Variants in ETF1 observed in about 807,000 individuals in gnomAD.
ETF1 encodes eukaryotic peptide chain release factor subunit 1.
ETF1 carries 4 observed loss-of-function variants against 55.1 expected under a neutral mutation model. The observed-to-expected ratio is 0.07, with a 90% CI of 0.04 to 0.17. The LOEUF is 0.17. Among genes scored for constraint, ETF1 ranks in the 10% least tolerant of loss-of-function variants. The pLI, the probability that ETF1 is intolerant of heterozygous loss-of-function variation, is 1.00. For missense variants in ETF1, 142 were observed against 523.6 expected, an observed-to-expected ratio of 0.27 and a Z score of 7.11; for synonymous variants, 157 against 182.3, an observed-to-expected ratio of 0.86 and a Z score of 1.12.
At chr5:138,521,338 G>C (rs1765223408) in intron 2 of ETF1, among the ~76,000 whole-genome samples, 1 of 152,160 alleles carries the variant, frequency 6.6e-6, no homozygotes, top group African/African-American at 2.4e-5. Flanking sequence ...GTGGAACTAG[G>C]CAGTTGTTTA....
intron 2 of ETF1, among the ~76,000 whole-genome samples, chr5:138,528,802 A>G (rs143806766): frequency 6.6e-6 from 1 of 152,288 alleles, no homozygotes; most frequent in African/African-American, 2.4e-5. Flanking sequence ...TCACTTTAAA[A>G]ATTTAAAGGG....
rs1312227495 is a variant in ETF1, at chr5:138,518,674, G to C, written c.262+18C>G. On this transcript the variant is annotated intron_variant, in intron 3 of 10. Coordinates refer to ENST00000360541, the MANE Select transcript of ETF1 (RefSeq NM_004730.4). The stretch of plus-strand genomic sequence containing the variant: ...ACCAAAATGTGTAGAGAAGGAAAAG[G>C]AGCAAACTCCAGATTACCTTTGTTA... 5.0e-6 allele frequency: 8 copies of C among 1,604,044 alleles called. No homozygotes were observed. The highest frequency in any genetic ancestry group is 6.8e-6 in the Non-Finnish European group (8 of 1,172,098).
chr5:138,542,592 G>A (rs546380891), intron 2 of ETF1: 21 of 1,390,062 alleles, frequency 1.5e-5, no homozygotes, highest in South Asian at 6.2e-5. Context: ...CCTACCACGA[G>A]GGGGGCCGAG....
intron 2 of ETF1, among the ~76,000 whole-genome samples, chr5:138,524,389 C>T (rs909071757): frequency 1.3e-5 from 2 of 151,436 alleles, no homozygotes; most frequent in African/African-American, 4.9e-5. Flanking sequence ...ATAGTGAGAC[C>T]TGTCTCTACA....
At chr5:138,514,870 C>T (rs1024977503) in intron 4 of ETF1, among the ~76,000 whole-genome samples, 1 of 152,120 alleles carries the variant, frequency 6.6e-6, no homozygotes, top group Non-Finnish European at 1.5e-5. Flanking sequence ...ACAGTGGAAT[C>T]GGAATACTAC....
chr5:138,510,909 TA>T, intron 8 of ETF1, 135 bp downstream of exon 8: 1 of 1,473,344 alleles, frequency 6.8e-7, no homozygotes, highest in South Asian at 1.4e-5. Context: ...AGGAATGTGC[TA>T]CAGACTGAAG....
intron 2 of ETF1, among the ~76,000 whole-genome samples, chr5:138,524,282 G>A (rs1160474764): frequency 6.6e-6 from 1 of 151,924 alleles, no homozygotes; most frequent in Non-Finnish European, 1.5e-5. Context: ...GAACCTGGGA[G>A]ATGGAGGTTG....
intron 6 of ETF1, chr5:138,512,060 C>T (rs2127067826): frequency 6.2e-6 from 1 of 162,384 alleles, no homozygotes; most frequent in Non-Finnish European, 1.3e-5. Context: ...ATTAGTTGGG[C>T]ATGGTGACAC....
At chr5:138,509,001 A>T in intron 9 of ETF1, 185 bp from the exon 10 acceptor site, 1 of 984,150 alleles carries the variant, frequency 1.0e-6, no homozygotes, top group Non-Finnish European at 1.2e-6. Flanking sequence ...AGAAATTCGG[A>T]TTATTTCAAA....
In ETF1 at chr5:138,508,233, T is replaced by G; in HGVS notation, c.*72A>C. Reference sequence around the variant, plus strand: ...TTGTAAGGCAGGGATCTGTTTGGATTCCACCATGGGTATGCTCCTTGGGTT... The same window carrying G: ...TTGTAAGGCAGGGATCTGTTTGGATGCCACCATGGGTATGCTCCTTGGGTT... On this transcript the variant is annotated 3_prime_UTR_variant, in exon 11 of 11. Transcript: ENST00000360541. The G allele has an allele frequency of 6.6e-7, 1 of 1,525,264 alleles. No homozygotes were observed. The highest frequency in any genetic ancestry group is 8.9e-7 in the Non-Finnish European group (1 of 1,121,378). 94.5% of individuals were successfully genotyped at this position (1,525,264 alleles called of 1,614,324 possible). A position where few individuals can be genotyped will look rare whatever the true frequency, so the allele number is the denominator to read the frequency against.
At chr5:138,535,643 C>A (rs1407215654) in intron 2 of ETF1, among the ~76,000 whole-genome samples, 1 of 149,942 alleles carries the variant, frequency 6.7e-6, no homozygotes, top group African/African-American at 2.4e-5. Flanking sequence ...ATCGCTTGAA[C>A]CTGGGAGGTG....
chr5:138,531,033 C>G (rs115607909), intron 2 of ETF1, among the ~76,000 whole-genome samples: 139 of 152,302 alleles, frequency 9.1e-4, no homozygotes, highest in African/African-American at 3.3e-3. Context: ...TTACCCTATG[C>G]TATGGTTTGA....
At chr5:138,509,576 A>G (rs1455315697) in intron 9 of ETF1, among the ~76,000 whole-genome samples, 14 of 152,080 alleles carry the variant, frequency 9.2e-5, no homozygotes. Flanking sequence ...AGCCTGGTGA[A>G]CACAGCAAGA....
At chr5:138,516,036 C>T (rs1295214864) in intron 4 of ETF1, among the ~76,000 whole-genome samples, 2 of 152,144 alleles carry the variant, frequency 1.3e-5, no homozygotes, top group Admixed American at 1.3e-4. Flanking sequence ...GCTGTGAATT[C>T]TTGATTGTTC....
chr5:138,536,100 T>C (rs1765918345), intron 2 of ETF1, among the ~76,000 whole-genome samples: 1 of 152,182 alleles, frequency 6.6e-6, no homozygotes, highest in Non-Finnish European at 1.5e-5. Flanking sequence ...ATTAGCTTAC[T>C]GGTTAATAGT....
Position 138,543,216 on chromosome 5 carries a change from C to T in ETF1, c.-138G>A. 7.8e-6 allele frequency: 4 copies of T among 511,704 alleles called. No individual in the cohort carries two copies. The highest frequency in any genetic ancestry group is 1.0e-5 in the Non-Finnish European group (3 of 288,396). 31.7% of individuals were successfully genotyped at this position (511,704 alleles called of 1,614,324 possible). ...CCAGGCAGCTGCATGTGTTGCAATC[C>T]GCTCACATGGGGCCTGTGACATCAC... On this transcript the variant is annotated 5_prime_UTR_variant, in exon 1 of 11. Coordinates refer to ENST00000360541, the MANE Select transcript of ETF1 (RefSeq NM_004730.4).
At chr5:138,527,014 T>C (rs1348226334) in intron 2 of ETF1, among the ~76,000 whole-genome samples, 1 of 152,172 alleles carries the variant, frequency 6.6e-6, no homozygotes, top group Non-Finnish European at 1.5e-5. Context: ...AATTTTTGTA[T>C]TTTTAGTAGA....
chr5:138,519,594 C>T (rs543147504), intron 2 of ETF1, among the ~76,000 whole-genome samples: 20 of 149,866 alleles, frequency 1.3e-4, no homozygotes, highest in Non-Finnish European at 2.4e-4. Flanking sequence ...ATCCGGGAGG[C>T]GGAGGTTGCA....
chr5:138,522,780 G>C (rs1765286884), intron 2 of ETF1, among the ~76,000 whole-genome samples: 1 of 152,174 alleles, frequency 6.6e-6, no homozygotes, highest in African/African-American at 2.4e-5. Flanking sequence ...GCTGAGGCAG[G>C]AGGATCACAA....
Sources: gnomAD v4.1 joint callset for allele counts (sites outside exome capture counted in the v4.1 genomes callset) on GRCh38, gnomAD v4.1.1 for gene constraint, MANE v1.5 for transcripts, NCBI Gene and HGNC (gene_info 2026-07-23, HGNC 2026-07-21) for gene names.